Variants in TSSK3 observed in about 807,000 individuals in gnomAD.
The protein encoded by TSSK3 is testis specific serine kinase 3.
Under a neutral mutation model 18.9 loss-of-function variants are expected in TSSK3, and 16 were observed. That is an observed-to-expected ratio of 0.85 (90% CI 0.57 to 1.28). The LOEUF is 1.28. Among genes scored for constraint, TSSK3 ranks in the 50% most tolerant of loss-of-function variants. The pLI is 0.00. For missense variants in TSSK3, 345 were observed against 341.0 expected (o/e 1.01, Z -0.09); for synonymous variants, 146 against 133.9 (o/e 1.09, Z -0.62).
chr1:32,363,863 G>A lies in TSSK3; in HGVS notation c.414G>A (p.Glu138=), dbSNP rs55807117. 39 of 1,614,166 alleles carry A rather than the reference G, an allele frequency of 2.4e-5. No homozygotes were observed. The East Asian group carries it at 8.2e-4, about 34-fold the overall frequency. Reference sequence around the variant, plus strand: ...TGGCCCACCGGGACCTCAAATGTGAGAACGCCTTGTTGCAGGGCTTCAACC... The same window carrying A: ...TGGCCCACCGGGACCTCAAATGTGAAAACGCCTTGTTGCAGGGCTTCAACC... ...CGVAHRDLKC[E]NALLQGFNLK... is the part of the protein sequence containing the mutation. Residue 138 remains glutamate (E), a synonymous_variant, in exon 2 of 2, where the codon GAG becomes GAA. Coordinates refer to ENST00000373534, the MANE Select transcript of TSSK3 (RefSeq NM_052841.4).
At position 32,364,290 on chromosome 1, in the gene TSSK3, G is replaced by C. The variant is rs768454180; in HGVS notation, c.*34G>C. 1 of 1,538,176 alleles carries C rather than the reference G, an allele frequency of 6.5e-7. No homozygotes were observed. On this transcript the variant is annotated 3_prime_UTR_variant, in exon 2 of 2. Transcript: ENST00000373534. Reference sequence around the variant, plus strand: ...ATGGCAAGTGCTCTCCAATAAAGTAGGGGGAGAAAGCAAACCCAAAAACCC... The same window carrying C: ...ATGGCAAGTGCTCTCCAATAAAGTACGGGGAGAAAGCAAACCCAAAAACCC...
At position 32,362,731 on chromosome 1, in the gene TSSK3, C is replaced by T. The variant is rs758369629; in HGVS notation, c.30C>T (p.Tyr10=). MEDFLLSNG[Y]QLGKTIGEGT... ...AGGACTTTCTGCTCTCCAATGGGTA[C>T]CAGCTGGGCAAGACCATTGGGGAAG... Residue 10 remains tyrosine, a synonymous_variant, in exon 1 of 2, where the codon TAC becomes TAT. Coordinates refer to ENST00000373534, the MANE Select transcript of TSSK3 (RefSeq NM_052841.4). 1.9e-6 allele frequency: 3 copies of T among 1,614,126 alleles called. No individual in the cohort carries two copies. In the South Asian group the frequency reaches 3.3e-5, roughly 18 times the overall value.
rs1210361000 is a variant in TSSK3, at chr1:32,363,869, C to T, written c.420C>T (p.Ala140=). Residue 140 remains alanine, a synonymous_variant, in exon 2 of 2, where the codon GCC becomes GCT. Transcript: ENST00000373534. ...ACCGGGACCTCAAATGTGAGAACGC[C>T]TTGTTGCAGGGCTTCAACCTGAAGC... ...VAHRDLKCEN[A]LLQGFNLKLT... The T allele has an allele frequency of 8.7e-6, 14 of 1,614,196 alleles. No homozygotes were observed. The highest frequency in any genetic ancestry group is 1.1e-5 in the Non-Finnish European group (13 of 1,180,044).
chr1:32,363,990 C>T lies in TSSK3; in HGVS notation c.541C>T (p.Leu181=), dbSNP rs1411705218. Residue 181 remains leucine, a synonymous_variant, in exon 2 of 2, where the codon CTG becomes TTG. Transcript: ENST00000373534. ...GSTAYAAPEV[L]QGIPHDSKKG... ...TACAGCCTATGCTGCCCCCGAGGTG[C>T]TGCAGGGCATTCCCCACGATAGCAA... The T allele has an allele frequency of 6.2e-7, 1 of 1,614,280 alleles. No homozygotes were observed. The highest frequency in any genetic ancestry group is 1.7e-5 in the Admixed American group (1 of 60,038).
rs1310649161 is a variant in TSSK3, at chr1:32,363,502, C to T, written c.146-93C>T. The T allele has an allele frequency of 2.2e-5, 27 of 1,255,314 alleles. No homozygotes were observed. The East Asian group carries it at 6.0e-4, about 28-fold the overall frequency. The allele number at this position is 1,255,314 out of a possible 1,614,324, so 77.8% of individuals were successfully genotyped here. ...AGAAAGCCAAGAAATAAGACCCAGA[C>T]AAGGTGGGCAGAAGTTGGAAGGCAG... is the stretch of plus-strand genomic sequence containing the variant. On this transcript the variant is annotated intron_variant, in intron 1 of 1. Coordinates refer to ENST00000373534, the MANE Select transcript of TSSK3 (RefSeq NM_052841.4).
chr1:32,364,079 T>A lies in TSSK3; in HGVS notation c.630T>A (p.Phe210Leu). The A allele has an allele frequency of 6.2e-7, 1 of 1,614,208 alleles. No individual in the cohort carries two copies. Among genetic ancestry groups the A allele is most frequent in the Non-Finnish European group, 8.5e-7 (1 of 1,180,030 alleles). The change falls in exon 2 of 2, where the codon TTT becomes TTA. Residue 210 changes from phenylalanine (F) to leucine (L), a missense_variant. Phe to Leu is a conservative substitution (Grantham distance 22, BLOSUM62 0). Transcript: ENST00000373534. ...TCATGCTCTGTGCCAGCCTACCTTTTGACGACACAGACATCCCCAAGATGC... is the reference window on the plus strand; with the variant it reads ...TCATGCTCTGTGCCAGCCTACCTTTAGACGACACAGACATCCCCAAGATGC... Reference protein sequence around the residue: ...LYVMLCASLPFDDTDIPKMLW... With the variant: ...LYVMLCASLPLDDTDIPKMLW...
At chr1:32,363,280 C>G (rs1046686243) in intron 1 of TSSK3, 18 of 393,882 alleles carry the variant, frequency 4.6e-5, no homozygotes, top group Admixed American at 8.1e-5. Context: ...GTGGACAAAT[C>G]AGGCCTTATA....
chr1:32,362,575 C>T lies in TSSK3; in HGVS notation c.-127C>T. 8.8e-7 allele frequency: 1 copy of T among 1,135,638 alleles called. No individual in the cohort carries two copies. The highest frequency in any genetic ancestry group is 1.3e-6 in the Non-Finnish European group (1 of 790,128). 70.3% of individuals were successfully genotyped at this position (1,135,638 alleles called of 1,614,324 possible). A position where few individuals can be genotyped will look rare whatever the true frequency, so the allele number is the denominator to read the frequency against. On this transcript the variant is annotated 5_prime_UTR_variant, in exon 1 of 2. The change creates a new upstream start codon in the 5' untranslated region. Transcript: ENST00000373534. Reference sequence around the variant, plus strand: ...TGTGTCCAGACAGAGAATGTTCTAACGCTGGGGGCGGCTGCGGATGAAGTC... The same window carrying T: ...TGTGTCCAGACAGAGAATGTTCTAATGCTGGGGGCGGCTGCGGATGAAGTC...
At position 32,363,792 on chromosome 1, in the gene TSSK3, T is replaced by C. The variant is rs763106260; in HGVS notation, c.343T>C (p.Phe115Leu). 39 of 1,614,252 alleles carry C rather than the reference T, an allele frequency of 2.4e-5. No individual in the cohort carries two copies. The highest frequency in any genetic ancestry group is 3.0e-5 in the Non-Finnish European group (35 of 1,180,046). Residue 115 changes from phenylalanine to leucine, a missense_variant, in exon 2 of 2, where the codon TTC becomes CTC. By Grantham distance (22) the Phe-to-Leu change is conservative. Coordinates refer to ENST00000373534, the MANE Select transcript of TSSK3 (RefSeq NM_052841.4). ...PLPESRAKAL[F>L]RQMVEAIRYC... The stretch of plus-strand genomic sequence containing the variant: ...GCCTGAAAGCCGGGCCAAGGCCCTC[T>C]TCCGTCAGATGGTTGAGGCCATCCG...
chr1:32,363,009 G>A, intron 1 of TSSK3, 163 bp downstream of exon 1: 1 of 761,668 alleles, frequency 1.3e-6, no homozygotes. Flanking sequence ...GGGAACAGAG[G>A]GGTTCTGGGA....
At position 32,364,258 on chromosome 1, in the gene TSSK3, A is replaced by G. The variant is rs1322775279; in HGVS notation, c.*2A>G. The G allele has an allele frequency of 1.9e-6, 3 of 1,588,954 alleles. No individual in the cohort carries two copies. Among genetic ancestry groups the G allele is most frequent in the Non-Finnish European group, 2.6e-6 (3 of 1,163,618 alleles). On this transcript the variant is annotated 3_prime_UTR_variant, in exon 2 of 2. Coordinates refer to ENST00000373534, the MANE Select transcript of TSSK3 (RefSeq NM_052841.4). ...CATCCATGGCTAGCAAGCACTTGATAAAAGCAATGGCAAGTGCTCTCCAAT... is the reference window on the plus strand; with the variant it reads ...CATCCATGGCTAGCAAGCACTTGATGAAAGCAATGGCAAGTGCTCTCCAAT...
Position 32,362,634 on chromosome 1 carries a change from G to C in TSSK3, c.-68G>C. The C allele has an allele frequency of 6.3e-7, 1 of 1,583,392 alleles. No individual in the cohort carries two copies. The highest frequency in any genetic ancestry group is 8.6e-7 in the Non-Finnish European group (1 of 1,161,416). On this transcript the variant is annotated 5_prime_UTR_variant, in exon 1 of 2. Transcript: ENST00000373534. ...GAAAAGGAGCAGGCCAAGGGCGATGGTGGAGTAGAGCTGCCTCTCAGAGGC... is the reference window on the plus strand; with the variant it reads ...GAAAAGGAGCAGGCCAAGGGCGATGCTGGAGTAGAGCTGCCTCTCAGAGGC...
rs147160446 is a variant in TSSK3 at position 32,362,700 on chromosome 1, G to C, written c.-2G>C. The C allele has an allele frequency of 3.4e-4, 556 of 1,614,168 alleles. 2 individuals are homozygous for C. The African/African-American group carries it at 6.4e-3, about 19-fold the overall frequency. The stretch of plus-strand genomic sequence containing the variant: ...GGTGATAGGAAGGCGGCGCTAGACA[G>C]CATGGAGGACTTTCTGCTCTCCAAT... On this transcript the variant is annotated 5_prime_UTR_variant, in exon 1 of 2. Coordinates refer to ENST00000373534, the MANE Select transcript of TSSK3 (RefSeq NM_052841.4).
chr1:32,364,149 A>T lies in TSSK3; in HGVS notation c.700A>T (p.Ile234Phe). ...KGVSFPTHLSISADCQDLLKR... is the reference protein window; with the variant it reads ...KGVSFPTHLSFSADCQDLLKR... ...GGTGTCCTTCCCCACTCATCTGAGC[A>T]TCTCGGCCGATTGCCAGGACCTGCT... The change falls in exon 2 of 2, where the codon ATC (isoleucine) becomes TTC (phenylalanine). Residue 234 changes from isoleucine to phenylalanine, a missense_variant. By Grantham distance (21) the Ile-to-Phe change is conservative. Transcript: ENST00000373534. The T allele has an allele frequency of 6.2e-7, 1 of 1,614,194 alleles. No individual in the cohort carries two copies. Among genetic ancestry groups the T allele is most frequent in the South Asian group, 1.1e-5 (1 of 91,082 alleles).
In TSSK3 at chr1:32,362,755, A is replaced by G. The variant is rs1170173963; in HGVS notation, c.54A>G (p.Glu18=). 1.2e-6 allele frequency: 2 copies of G among 1,614,188 alleles called. No individual in the cohort carries two copies. ...ACCAGCTGGGCAAGACCATTGGGGA[A>G]GGGACCTACTCAAAAGTCAAAGAAG... ...NGYQLGKTIG[E]GTYSKVKEAF... The change falls in exon 1 of 2, where the codon GAA becomes GAG. Residue 18 remains glutamate (E), a synonymous_variant. Transcript: ENST00000373534.
intron 1 of TSSK3, chr1:32,363,233 CAG>C (rs1199492249): frequency 1.7e-5 from 6 of 351,952 alleles, no homozygotes; most frequent in Non-Finnish European, 3.2e-5. Flanking sequence ...ATTGTGGGGT[CAG>C]GGGACAGTGG....
rs77486682 is a variant in TSSK3, at chr1:32,364,082, C to T, written c.633C>T (p.Asp211=). ...TGCTCTGTGCCAGCCTACCTTTTGA[C>T]GACACAGACATCCCCAAGATGCTGT... ...YVMLCASLPF[D]DTDIPKMLWQ... is the part of the protein sequence containing the mutation. Residue 211 remains aspartate, a synonymous_variant, in exon 2 of 2, where the codon GAC becomes GAT. Coordinates refer to ENST00000373534, the MANE Select transcript of TSSK3 (RefSeq NM_052841.4). The T allele has an allele frequency of 5.8e-4, 944 of 1,614,220 alleles. 4 individuals carry two copies. In the African/African-American group the frequency reaches 0.011, roughly 19 times the overall value.
In TSSK3 at chr1:32,363,359, A is replaced by C. The variant is rs1035237076; in HGVS notation, c.146-236A>C. ...TGATATCCAGTCTCACAGACTGCTC[A>C]CAACAGTCCACAAGGCTGGTGGGGA... On this transcript the variant is annotated intron_variant, in intron 1 of 1. Transcript: ENST00000373534. 2.5e-5 allele frequency: 14 copies of C among 551,236 alleles called. No homozygotes were observed. The South Asian group carries it at 2.9e-4, about 11-fold the overall frequency. 34.1% of individuals were successfully genotyped at this position (551,236 alleles called of 1,614,324 possible).
intron 1 of TSSK3, 69 bp from the exon 2 acceptor site, chr1:32,363,526 A>G: frequency 6.8e-7 from 1 of 1,475,858 alleles, no homozygotes; most frequent in East Asian, 2.3e-5. Context: ...GTTGGAAGGC[A>G]GGAGACAGGT....
Sources: gnomAD v4.1 joint callset for allele counts on GRCh38, gnomAD v4.1.1 for gene constraint, MANE v1.5 for transcripts, NCBI Gene and HGNC (gene_info 2026-07-23, HGNC 2026-07-21) for gene names.